Variants in BCLAF1 observed in about 807,000 individuals in gnomAD.
The protein encoded by BCLAF1 is bcl-2-associated transcription factor 1.
In BCLAF1, 10 loss-of-function variants were observed where a neutral mutation model predicts 99.5. That is an observed-to-expected ratio of 0.10 (90% confidence interval 0.06 to 0.17). The LOEUF is 0.17. BCLAF1 is among the 10% of genes least tolerant of loss of function. The pLI is 1.00. For synonymous variants in BCLAF1, 255 were observed against 370.9 expected, an observed-to-expected ratio of 0.69 and a Z score of 3.59; for missense variants, 636 against 1,105.8, an observed-to-expected ratio of 0.58 and a Z score of 6.02.
chr6:136,262,813 CTG>C (rs1269090824), intron 11 of BCLAF1, among the ~76,000 whole-genome samples: 1 of 152,134 alleles, frequency 6.6e-6, no homozygotes, highest in Non-Finnish European at 1.5e-5. Context: ...ACTCCAGAGG[CTG>C]TGTTTTTTTA....
chr6:136,276,754 C>G (rs1783480271), intron 4 of BCLAF1, among the ~76,000 whole-genome samples: 1 of 152,164 alleles, frequency 6.6e-6, no homozygotes, highest in East Asian at 1.9e-4. Context: ...ATCACAAAAA[C>G]CTGTCCTATT....
intron 11 of BCLAF1, among the ~76,000 whole-genome samples, chr6:136,262,707 A>G (rs1781184787): frequency 6.6e-6 from 1 of 152,214 alleles, no homozygotes; most frequent in South Asian, 2.1e-4. Flanking sequence ...AGTTTATTAC[A>G]AACCCAAAAT....
Position 136,276,321 on chromosome 6 carries a change from T to G in BCLAF1, c.1204A>C (p.Thr402Pro). Residue 402 changes from threonine (T) to proline (P), a missense_variant, in exon 5 of 13, where the codon ACA (threonine) becomes CCA (proline). Physicochemically the swap from Thr to Pro is conservative, Grantham distance 38. This residue lies in a region of BCLAF1 where 186 missense variants were observed against 275.3 expected (regional missense o/e 0.68). Coordinates refer to ENST00000531224, the MANE Select transcript of BCLAF1 (RefSeq NM_014739.3). ...TGTCTATAATCCTCTGTCTCCTCTGTGTCATCCCCTTCTGAATCATTAAAC... is the reference window on the plus strand; with the variant it reads ...TGTCTATAATCCTCTGTCTCCTCTGGGTCATCCCCTTCTGAATCATTAAAC... ...QKFNDSEGDD[T>P]EETEDYRQFR... 6.4e-7 allele frequency: 1 copy of G among 1,567,388 alleles called. No homozygotes were observed. The highest frequency in any genetic ancestry group is 8.6e-7 in the Non-Finnish European group (1 of 1,158,860).
chr6:136,280,073 C>A (rs1266970920), intron 2 of BCLAF1, among the ~76,000 whole-genome samples, 197 bp from the exon 3 acceptor site: 1 of 152,194 alleles, frequency 6.6e-6, no homozygotes, highest in Non-Finnish European at 1.5e-5. Flanking sequence ...ATGACAGGTA[C>A]TGTCGATTAA....
At chr6:136,261,663 G>A (rs1347556017) in intron 11 of BCLAF1, among the ~76,000 whole-genome samples, 186 bp from the exon 12 acceptor site, 1 of 152,038 alleles carries the variant, frequency 6.6e-6, no homozygotes, top group Non-Finnish European at 1.5e-5. Flanking sequence ...ATCATCAAGA[G>A]AATAACTACA....
intron 1 of BCLAF1, among the ~76,000 whole-genome samples, chr6:136,289,310 G>A (rs1194638502): frequency 2.0e-5 from 3 of 152,254 alleles, no homozygotes; most frequent in Non-Finnish European, 4.4e-5. Flanking sequence ...TCCAGCGGCC[G>A]TCGGCGCCAT....
In BCLAF1 at chr6:136,284,679, G is replaced by T. The variant is rs568739913; in HGVS notation, c.-114-1992C>A. ...GAACCCTAAACTTTCCAGATAACTT[G>T]AGATAAGTGCCTTACATGCCAGGCA... is the stretch of plus-strand genomic sequence containing the variant. On this transcript the variant is annotated intron_variant, in intron 1 of 12. Coordinates refer to ENST00000531224, the MANE Select transcript of BCLAF1 (RefSeq NM_014739.3). Among the ~76,000 whole-genome samples the T allele has an allele frequency of 1.1e-4, 17 of 152,258 alleles. No individual in the cohort carries two copies. In the South Asian group the frequency reaches 3.5e-3, roughly 32 times the overall value.
rs1357903517 is a variant in BCLAF1 at position 136,261,335 on chromosome 6, C to A, written c.2687G>T (p.Gly896Val). Residue 896 changes from glycine to valine, a missense_variant, in exon 12 of 13, where the codon GGG becomes GTG. Transcript: ENST00000531224. ...KWTHDKYQGD[G>V]IVEDEEETME... ...GGTCTCTTCTTCATCTTCAACAATCCCATCCCCTTGGTATTTGTCATGAGT... is the reference window on the plus strand; with the variant it reads ...GGTCTCTTCTTCATCTTCAACAATCACATCCCCTTGGTATTTGTCATGAGT... The A allele has an allele frequency of 6.2e-7, 1 of 1,613,758 alleles. No individual in the cohort carries two copies. Among genetic ancestry groups the A allele is most frequent in the Non-Finnish European group, 8.5e-7 (1 of 1,179,870 alleles).
chr6:136,269,035 C>G (rs1233687023), intron 9 of BCLAF1: 19 of 807,568 alleles, frequency 2.4e-5, no homozygotes, highest in Admixed American at 1.5e-4. Context: ...TCCTCCCCCC[C>G]ATCTCTCCCA....
At position 136,259,819 on chromosome 6, in the gene BCLAF1, ATG is replaced by A. The variant is rs1426052251; in HGVS notation, c.*1289_*1290del. 3 of 152,068 alleles carry A rather than the reference ATG, an allele frequency of 2.0e-5. No homozygotes were observed. The highest frequency in any genetic ancestry group is 1.3e-4 in the Admixed American group (2 of 15,266). The allele number at this position is 152,068 out of a possible 1,614,324, so 9.4% of individuals were successfully genotyped here. Reference sequence around the variant, plus strand: ...ACACACAACTAAATTAACAAATGAAATGTGTCTACTTTTATATATGCCCATAA... The same window carrying A: ...ACACACAACTAAATTAACAAATGAAATGTCTACTTTTATATATGCCCATAA... On this transcript the variant is annotated 3_prime_UTR_variant, in exon 13 of 13. Coordinates refer to ENST00000531224, the MANE Select transcript of BCLAF1 (RefSeq NM_014739.3).
In BCLAF1 at chr6:136,271,981, A is replaced by T; in HGVS notation, c.2043+14T>A. 1 of 1,577,412 alleles carries T rather than the reference A, an allele frequency of 6.3e-7. No individual in the cohort carries two copies. Among genetic ancestry groups the T allele is most frequent in the Non-Finnish European group, 8.7e-7 (1 of 1,152,566 alleles). ...TGAACTTAACACGAAAAAAAATTAC[A>T]TTCAAAAACATACCTTTTGATTTTC... is the stretch of plus-strand genomic sequence containing the variant. On this transcript the variant is annotated intron_variant, in intron 8 of 12. Coordinates refer to ENST00000531224, the MANE Select transcript of BCLAF1 (RefSeq NM_014739.3).
intron 2 of BCLAF1, among the ~76,000 whole-genome samples, chr6:136,281,163 C>T (rs1176200589): frequency 3.3e-5 from 5 of 152,084 alleles, no homozygotes; most frequent in Admixed American, 2.0e-4. Context: ...CATAACTATC[C>T]TCTAATAGAC....
At chr6:136,268,752 A>AT (rs1413649710) in intron 9 of BCLAF1, 1 of 183,010 alleles carries the variant, frequency 5.5e-6, no homozygotes, top group East Asian at 1.6e-4. Context: ...TTTGGGCTAT[A>AT]GTACCATTAT....
At chr6:136,289,213 G>T (rs1217486030) in intron 1 of BCLAF1, among the ~76,000 whole-genome samples, 2 of 152,264 alleles carry the variant, frequency 1.3e-5, no homozygotes, top group African/African-American at 4.8e-5. Context: ...GCACTTTGCT[G>T]CGGGTCACAG....
intron 8 of BCLAF1, among the ~76,000 whole-genome samples, chr6:136,270,974 A>C (rs1227952112): frequency 6.6e-6 from 1 of 151,832 alleles, no homozygotes; most frequent in African/African-American, 2.4e-5. Context: ...GCAAAACAAA[A>C]ACAAAAAAAA....
In BCLAF1 at chr6:136,274,012, G is replaced by A. The variant is rs1169203975; in HGVS notation, c.1853-825C>T. 57 of 1,256,936 alleles carry A rather than the reference G, an allele frequency of 4.5e-5. No homozygotes were observed. The East Asian group carries it at 5.6e-4, about 12-fold the overall frequency. 77.9% of individuals were successfully genotyped at this position (1,256,936 alleles called of 1,614,324 possible). On this transcript the variant is annotated intron_variant, in intron 6 of 12. Transcript: ENST00000531224. ...ATAACCAATCATTAAAACTTGAAAC[G>A]GCCACTACAAGGGTAGTGCCTCAAT...
chr6:136,267,530 C>T (rs1385095762), intron 10 of BCLAF1, among the ~76,000 whole-genome samples: 1 of 151,868 alleles, frequency 6.6e-6, no homozygotes, highest in Non-Finnish European at 1.5e-5. Context: ...TATCACCATA[C>T]AAGCAAAGCT....
intron 3 of BCLAF1, 164 bp downstream of exon 3, chr6:136,279,599 G>A (rs1784085452): frequency 1.4e-6 from 1 of 704,022 alleles, no homozygotes; most frequent in East Asian, 3.9e-5. Flanking sequence ...TTGTTACCTG[G>A]ACATTCTCAT....
At chr6:136,273,364 G>T in intron 6 of BCLAF1, 177 bp from the exon 7 acceptor site, 1 of 557,588 alleles carries the variant, frequency 1.8e-6, no homozygotes, top group Non-Finnish European at 3.1e-6. Context: ...CAACAGGAGA[G>T]TGTTTCGAAA....
Sources: gnomAD v4.1 joint callset for allele counts (sites outside exome capture counted in the v4.1 genomes callset) on GRCh38, gnomAD v4.1.1 for gene constraint, gnomAD v4.1.1 regional missense constraint, MANE v1.5 for transcripts, NCBI Gene and HGNC (gene_info 2026-07-23, HGNC 2026-07-21) for gene names.